The following ARHGAP30 variants were observed in gnomAD, a reference collection of about 807,000 sequenced individuals.
ARHGAP30 encodes rho GTPase-activating protein 30.
In ARHGAP30, 23 loss-of-function variants were observed where a neutral mutation model predicts 72.0. The ratio of observed to expected loss-of-function variants is 0.32; its 90% CI spans 0.23 to 0.45. The LOEUF (loss-of-function observed/expected upper bound fraction) is 0.45, where lower values mean the gene tolerates loss of function less well. Ranked by LOEUF, ARHGAP30 falls within the 20% of genes least tolerant of loss-of-function variation. The pLI is 1.00. For synonymous variants in ARHGAP30, 576 were observed against 528.2 expected (o/e 1.09, Z -1.24); for missense variants, 1,319 against 1,383.4 (o/e 0.95, Z 0.74).
Position 161,048,266 on chromosome 1 carries a change from C to T in ARHGAP30, c.2755G>A (p.Gly919Ser), listed in dbSNP as rs1264419976. 9 of 1,614,070 alleles carry T rather than the reference C, an allele frequency of 5.6e-6. No individual in the cohort carries two copies. Among genetic ancestry groups the T allele is most frequent in the Non-Finnish European group, 7.6e-6 (9 of 1,180,034 alleles). Residue 919 changes from glycine (G) to serine (S), a missense_variant, in exon 12 of 12, where the codon GGC becomes AGC. Transcript: ENST00000368013. ...GTGGAAGCTAGACGCATGCCCACGC[C>T]ACCCAGGCCAAGAGAACAGGGGCAT... Reference protein sequence around the residue: ...CLCPCSLGLGGVGMRLASTLV... With the variant: ...CLCPCSLGLGSVGMRLASTLV...
chr1:161,059,813 C>G, intron 1 of ARHGAP30, 97 bp from the exon 2 acceptor site: 1 of 992,326 alleles, frequency 1.0e-6, no homozygotes, highest in Non-Finnish European at 1.5e-6. Flanking sequence ...GAGACCACGA[C>G]GAGCAAAGCT....
intron 1 of ARHGAP30, chr1:161,060,280 A>C (rs1305377190): frequency 7.2e-6 from 3 of 416,590 alleles, no homozygotes; most frequent in Non-Finnish European, 1.4e-5. Flanking sequence ...AAAAAAAAAA[A>C]AAGAAAGAGA....
Position 161,059,813 on chromosome 1 carries a change from C to A in ARHGAP30, c.98-97G>T, listed in dbSNP as rs745716105. ...GAAATGGAATTTGGGGAGACCACGACGAGCAAAGCTCATGGAATAAAAACT... is the reference window on the plus strand; with the variant it reads ...GAAATGGAATTTGGGGAGACCACGAAGAGCAAAGCTCATGGAATAAAAACT... On this transcript the variant is annotated intron_variant, in intron 1 of 11. Transcript: ENST00000368013. 4 of 992,208 alleles carry A rather than the reference C, an allele frequency of 4.0e-6. No individual in the cohort carries two copies. The South Asian group carries it at 6.3e-5, about 16-fold the overall frequency. The allele number at this position is 992,208 out of a possible 1,614,324, so 61.5% of individuals were successfully genotyped here.
intron 5 of ARHGAP30, 28 bp downstream of exon 5, chr1:161,054,338 C>T: frequency 6.3e-7 from 1 of 1,598,334 alleles, no homozygotes. Flanking sequence ...TCACAGGATC[C>T]CCATACACTG....
intron 9 of ARHGAP30, 23 bp from the exon 10 acceptor site, chr1:161,051,738 G>A (rs938833744): frequency 6.3e-7 from 1 of 1,576,640 alleles, no homozygotes; most frequent in Non-Finnish European, 8.6e-7. Flanking sequence ...AAGAGGGCCA[G>A]GTAGGCAATA....
Position 161,052,760 on chromosome 1 carries a change from C to A in ARHGAP30, c.702G>T (p.Gly234=). ...CCTCGGGGCTGCCTGATGCCCGGGT[C>A]CCTGGAAGCGATCGCCACCCACTCT... The part of the protein sequence containing the change: ...EVESGWRSLP[G]TRASGSPEDL... The change falls in exon 7 of 12, where the codon GGG becomes GGT. Residue 234 remains glycine, a synonymous_variant. Coordinates refer to ENST00000368013, the MANE Select transcript of ARHGAP30 (RefSeq NM_001025598.2). 6.2e-7 allele frequency: 1 copy of A among 1,611,764 alleles called. No individual in the cohort carries two copies.
In ARHGAP30 at chr1:161,053,334, C is replaced by T; in HGVS notation, c.588G>A (p.Glu196=). ...CCACGACGATGGATTGTACCCGCAC[C>T]TCCATGAAGGCCGCTGTCCCATTGA... ...SGFNGTAAFM[E]VRVQSIVVEF... Residue 196 remains glutamate (E), a synonymous_variant, in exon 6 of 12, where the codon GAG becomes GAA. Transcript: ENST00000368013. 9 of 1,614,086 alleles carry T rather than the reference C, an allele frequency of 5.6e-6. No homozygotes were observed. The highest frequency in any genetic ancestry group is 7.6e-6 in the Non-Finnish European group (9 of 1,180,038).
At chr1:161,067,830 T>G (rs1321738525) in intron 1 of ARHGAP30, among the ~76,000 whole-genome samples, 1 of 152,132 alleles carries the variant, frequency 6.6e-6, no homozygotes, top group Non-Finnish European at 1.5e-5. Context: ...ATCACCAGCC[T>G]CTCTCTGTCC....
In ARHGAP30 at chr1:161,054,695, C is replaced by G; in HGVS notation, c.356G>C (p.Gly119Ala). Reference sequence around the variant, plus strand: ...CAAGCGCTCAGGTTCCAATTGCACTCCTACAGCCTCCTGATTGAGAAGAGT... The same window carrying G: ...CAAGCGCTCAGGTTCCAATTGCACTGCTACAGCCTCCTGATTGAGAAGAGT... ...RLYDKFAEAV[G>A]VQLEPERLVK... is the part of the protein sequence containing the mutation. The change falls in exon 4 of 12, where the codon GGA becomes GCA. Residue 119 changes from glycine to alanine, a missense_variant. Gly to Ala is a moderately conservative substitution (Grantham distance 60). This residue lies in a region of ARHGAP30 where 222 missense variants were observed against 338.2 expected (regional missense o/e 0.66). Transcript: ENST00000368013. 1 of 1,613,982 alleles carries G rather than the reference C, an allele frequency of 6.2e-7. No homozygotes were observed. The highest frequency in any genetic ancestry group is 8.5e-7 in the Non-Finnish European group (1 of 1,180,016).
chr1:161,054,876 C>A (rs932266161), intron 3 of ARHGAP30, among the ~76,000 whole-genome samples, 171 bp from the exon 4 acceptor site: 2 of 152,164 alleles, frequency 1.3e-5, no homozygotes, highest in African/African-American at 4.8e-5. Context: ...GAATTGGGGT[C>A]CACGAAGATG....
chr1:161,051,730 G>C lies in ARHGAP30; in HGVS notation c.1019-15C>G, dbSNP rs758909797. 3.3e-5 allele frequency: 52 copies of C among 1,589,270 alleles called. No homozygotes were observed. The highest frequency in any genetic ancestry group is 4.4e-5 in the Non-Finnish European group (51 of 1,168,380). On this transcript the variant is annotated splice_polypyrimidine_tract_variant and intron_variant, in intron 9 of 11. Transcript: ENST00000368013. ...CCCCTCTGGCTCTGTGGAGGAAAAA[G>C]AGGGCCAGGTAGGCAATAGCCTAAA...
At chr1:161,058,024 G>A (rs1186932324) in intron 2 of ARHGAP30, among the ~76,000 whole-genome samples, 3 of 152,094 alleles carry the variant, frequency 2.0e-5, no homozygotes, top group Non-Finnish European at 2.9e-5. Flanking sequence ...GGTGGCGCTC[G>A]CCTGTAATCC....
Position 161,051,487 on chromosome 1 carries a change from T to G in ARHGAP30, c.1247A>C (p.Tyr416Ser), listed in dbSNP as rs1166040989. The change falls in exon 10 of 12, where the codon TAC (tyrosine) becomes TCC (serine). Residue 416 changes from tyrosine (Y) to serine (S), a missense_variant. By Grantham distance (144) the Tyr-to-Ser change is moderately radical (BLOSUM62 -2). Coordinates refer to ENST00000368013, the MANE Select transcript of ARHGAP30 (RefSeq NM_001025598.2). ...RCAGVHISDPYNVNLPLHITS... is the reference protein window; with the variant it reads ...RCAGVHISDPSNVNLPLHITS... ...GATGTGTAGCGGGAGGTTGACATTG[T>G]AGGGGTCTGAGATGTGGACACCAGC... The G allele has an allele frequency of 6.2e-7, 1 of 1,614,222 alleles. No individual in the cohort carries two copies. The highest frequency in any genetic ancestry group is 8.5e-7 in the Non-Finnish European group (1 of 1,180,036).
rs1408061173 is a variant in ARHGAP30 at position 161,048,647 on chromosome 1, C to T, written c.2374G>A (p.Glu792Lys). 6.2e-7 allele frequency: 1 copy of T among 1,614,160 alleles called. No homozygotes were observed. Among genetic ancestry groups the T allele is most frequent in the Admixed American group, 1.7e-5 (1 of 60,026 alleles). Residue 792 changes from glutamate to lysine, a missense_variant, in exon 12 of 12, where the codon GAG (glutamate) becomes AAG (lysine). Transcript: ENST00000368013. Reference sequence around the variant, plus strand: ...TTGTCCTCATCCTCTCTGACTCCCTCAGCCTCTTGTTTCTGTACAACTTCC... The same window carrying T: ...TTGTCCTCATCCTCTCTGACTCCCTTAGCCTCTTGTTTCTGTACAACTTCC... ...KWEVVQKQEA[E>K]GVREDEDKGQ...
intron 1 of ARHGAP30, among the ~76,000 whole-genome samples, chr1:161,061,960 C>G (rs1414310536): frequency 6.6e-6 from 1 of 152,038 alleles, no homozygotes; most frequent in Non-Finnish European, 1.5e-5. Context: ...TGGCAGCGCA[C>G]GCCTATAATT....
At chr1:161,061,796 C>T (rs1652330449) in intron 1 of ARHGAP30, among the ~76,000 whole-genome samples, 1 of 152,028 alleles carries the variant, frequency 6.6e-6, no homozygotes, top group Non-Finnish European at 1.5e-5. Context: ...CATGATAGAT[C>T]CTCAAAAATG....
At chr1:161,054,841 GCA>G in intron 3 of ARHGAP30, 136 bp from the exon 4 acceptor site, 1 of 751,900 alleles carries the variant, frequency 1.3e-6, no homozygotes, top group South Asian at 1.6e-5. Flanking sequence ...CATCTGCGGT[GCA>G]CTGACTTGGT....
At chr1:161,059,431 C>T (rs1244891225) in intron 2 of ARHGAP30, among the ~76,000 whole-genome samples, 183 bp downstream of exon 2, 1 of 150,986 alleles carries the variant, frequency 6.6e-6, no homozygotes, top group African/African-American at 2.4e-5. Flanking sequence ...GGGGGAGGGA[C>T]CATGGTCTCC....
In ARHGAP30 at chr1:161,056,457, G is replaced by A. The variant is rs553856715; in HGVS notation, c.276C>T (p.Ser92=). 65 of 1,613,872 alleles carry A rather than the reference G, an allele frequency of 4.0e-5. No homozygotes were observed. Among genetic ancestry groups the A allele is most frequent in the Non-Finnish European group, 5.2e-5 (61 of 1,179,976 alleles). ...GTTCTCTGAAATAGGCCTTGCACAGGGAGGAGACGCAGTGAATGTCTTGGA... is the reference window on the plus strand; with the variant it reads ...GTTCTCTGAAATAGGCCTTGCACAGAGAGGAGACGCAGTGAATGTCTTGGA... ...VYLQDIHCVS[S]LCKAYFRELP... The change falls in exon 3 of 12, where the codon TCC becomes TCT. Residue 92 remains serine (S), a synonymous_variant. Transcript: ENST00000368013.
Sources: allele counts gnomAD v4.1 joint callset (sites outside exome capture counted in the v4.1 genomes callset), GRCh38; gene constraint gnomAD v4.1.1; regional missense constraint gnomAD v4.1.1; transcripts MANE v1.5; gene names NCBI Gene and HGNC (gene_info 2026-07-23, HGNC 2026-07-21).